SIX4: variants seen among roughly 807,000 people sequenced by gnomAD.
SIX4 encodes SIX homeobox 4, also known as homeobox protein SIX4.
In SIX4, 23 loss-of-function variants were observed where a neutral mutation model predicts 51.5. That is an observed-to-expected ratio of 0.45 (90% CI 0.32 to 0.63). SIX4 has a LOEUF of 0.63. Ranked by LOEUF, SIX4 falls within the 30% of genes least tolerant of loss-of-function variation. SIX4 has a pLI of 0.04. For missense variants in SIX4, 867 were observed against 984.0 expected (o/e 0.88, Z 1.59); for synonymous variants, 413 against 417.3 (o/e 0.99, Z 0.13).
rs1271024510 is a variant in SIX4, at chr14:60,723,244, G to A, written c.831C>T (p.Arg277=). Residue 277 remains arginine (R), a synonymous_variant, in exon 1 of 3, where the codon CGC becomes CGT. Transcript: ENST00000216513. ...VSNWFKNRRQ[R]DRNPSETQSK... ...ACTGGGTCTCGGAGGGGTTCCTGTC[G>A]CGCTGCCGGCGGTTCTTGAACCAGT... 10 of 1,612,942 alleles carry A rather than the reference G, an allele frequency of 6.2e-6. No individual in the cohort carries two copies. The highest frequency in any genetic ancestry group is 2.2e-5 in the East Asian group (1 of 44,784).
At position 60,717,975 on chromosome 14, in the gene SIX4, G is replaced by A. The variant is rs772041132; in HGVS notation, c.1549+1785C>T. On this transcript the variant is annotated intron_variant, in intron 2 of 2. Coordinates refer to ENST00000216513, the MANE Select transcript of SIX4 (RefSeq NM_017420.5). This position sits in a 1 kb window ranked among gnomAD's most constrained non-coding sequence, Gnocchi z 4.6. ...TGCAGTGAGCCGAGATCGCGCCACT[G>A]TACTCCAGCCTGGGTGACAAAATGA... The A allele has an allele frequency of 4.3e-6, 1 of 231,364 alleles. No homozygotes were observed. The highest frequency in any genetic ancestry group is 5.4e-5 in the South Asian group (1 of 18,472). 14.3% of individuals were successfully genotyped at this position (231,364 alleles called of 1,614,324 possible).
chr14:60,712,224 G>A lies in SIX4; in HGVS notation c.*1183C>T, dbSNP rs900951958. 3 of 152,576 alleles carry A rather than the reference G, an allele frequency of 2.0e-5. No homozygotes were observed. The highest frequency in any genetic ancestry group is 2.9e-5 in the Non-Finnish European group (2 of 68,028). The allele number at this position is 152,576 out of a possible 1,614,324, so 9.5% of individuals were successfully genotyped here. A position where few individuals can be genotyped will look rare whatever the true frequency, so the allele number is the denominator to read the frequency against. ...ATTTATAACTTATTTTCCTTGTAAT[G>A]AAAAGTATCAACAATAATTAGTTGT... On this transcript the variant is annotated 3_prime_UTR_variant, in exon 3 of 3. Coordinates refer to ENST00000216513, the MANE Select transcript of SIX4 (RefSeq NM_017420.5).
rs117383402 is a variant in SIX4 at position 60,724,191 on chromosome 14, C to T, written c.-117G>A. 1.0e-3 allele frequency: 1,654 copies of T among 1,577,832 alleles called. 13 individuals are homozygous for T. The East Asian group carries it at 0.025, about 24-fold the overall frequency. The stretch of plus-strand genomic sequence containing the variant: ...CCCTCCTCTCCCCCTCCGGAAAGCC[C>T]ACTCCCTCCCTCCTGGTTTCGGCTG... On this transcript the variant is annotated 5_prime_UTR_variant, in exon 1 of 3. The change creates a premature stop within an existing upstream ORF in the 5' untranslated region. Coordinates refer to ENST00000216513, the MANE Select transcript of SIX4 (RefSeq NM_017420.5).
At position 60,722,926 on chromosome 14, in the gene SIX4, G is replaced by T. The variant is rs1297752534; in HGVS notation, c.863+286C>A. 4.4e-5 allele frequency: 20 copies of T among 455,258 alleles called. No homozygotes were observed. In the East Asian group the frequency reaches 8.0e-4, roughly 18 times the overall value. The allele number at this position is 455,258 out of a possible 1,614,324, so 28.2% of individuals were successfully genotyped here. On this transcript the variant is annotated intron_variant, in intron 1 of 2. Coordinates refer to ENST00000216513, the MANE Select transcript of SIX4 (RefSeq NM_017420.5). This position sits in a 1 kb window ranked among gnomAD's most constrained non-coding sequence, Gnocchi z 5.9. ...CAGCGGGATGGGGGTGGGAAGCTGG[G>T]CAGCAGTGACCAGCCGAGGTGGGGG... is the stretch of plus-strand genomic sequence containing the variant.
rs1274365711 is a variant in SIX4 at position 60,710,990 on chromosome 14, A to G, written c.*2417T>C. 1 of 123,206 alleles carries G rather than the reference A, an allele frequency of 8.1e-6. No homozygotes were observed. Among genetic ancestry groups the G allele is most frequent in the Non-Finnish European group, 1.7e-5 (1 of 58,078 alleles). 7.6% of individuals were successfully genotyped at this position (123,206 alleles called of 1,614,324 possible). ...AAGAGAGGCTTATTGTATTTTCGGA[A>G]AACATATAAAACATTTCCAGTTATA... On this transcript the variant is annotated 3_prime_UTR_variant, in exon 3 of 3. Coordinates refer to ENST00000216513, the MANE Select transcript of SIX4 (RefSeq NM_017420.5).
chr14:60,714,108 C>G lies in SIX4; in HGVS notation c.1645G>C (p.Ala549Pro), dbSNP rs1266343975. Residue 549 changes from alanine to proline, a missense_variant, in exon 3 of 3, where the codon GCT becomes CCT. Transcript: ENST00000216513. ...QQGKVFLSSLAPSAVVYTVPN... is the reference protein window; with the variant it reads ...QQGKVFLSSLPPSAVVYTVPN... The stretch of plus-strand genomic sequence containing the variant: ...ACCGTGTATACCACTGCACTGGGAG[C>G]AAGAGAGCTCAAGAAAACCTTTCCT... 6.2e-7 allele frequency: 1 copy of G among 1,613,996 alleles called. No homozygotes were observed. The highest frequency in any genetic ancestry group is 2.2e-5 in the East Asian group (1 of 44,882).
Position 60,723,652 on chromosome 14 carries a change from C to T in SIX4, c.423G>A (p.Leu141=). Residue 141 remains leucine, a synonymous_variant, in exon 1 of 3, where the codon CTG becomes CTA. Transcript: ENST00000216513. ...TCAGCAGGCTCTCGTTGCCACGTAG[C>T]AGGTCGCTCTGGGGCAGGGACCACA... ...RFLWSLPQSD[L]LRGNESLLKA... is the part of the protein sequence containing the mutation. 1.3e-6 allele frequency: 2 copies of T among 1,594,132 alleles called. No individual in the cohort carries two copies. Among genetic ancestry groups the T allele is most frequent in the Non-Finnish European group, 1.7e-6 (2 of 1,171,386 alleles).
intron 2 of SIX4, among the ~76,000 whole-genome samples, chr14:60,716,401 C>T (rs974039474): frequency 7.9e-5 from 12 of 151,204 alleles, no homozygotes; most frequent in African/African-American, 2.9e-4. Flanking sequence ...TACAGGCACG[C>T]ACCACCATGC....
intron 2 of SIX4, among the ~76,000 whole-genome samples, chr14:60,715,616 A>G (rs1156230054): frequency 6.6e-6 from 1 of 152,234 alleles, no homozygotes. Flanking sequence ...AATGGTCTAT[A>G]GAGACCAGAA....
At position 60,711,872 on chromosome 14, in the gene SIX4, C is replaced by T. The variant is rs562296390; in HGVS notation, c.*1535G>A. ...TATCTCTGAAGAAATTATTTTCTCACTTTTTTTGCTTTTCAGAGACTAGAG... is the reference window on the plus strand; with the variant it reads ...TATCTCTGAAGAAATTATTTTCTCATTTTTTTTGCTTTTCAGAGACTAGAG... On this transcript the variant is annotated 3_prime_UTR_variant, in exon 3 of 3. Coordinates refer to ENST00000216513, the MANE Select transcript of SIX4 (RefSeq NM_017420.5). 6.6e-6 allele frequency: 1 copy of T among 152,294 alleles called. No homozygotes were observed. The highest frequency in any genetic ancestry group is 1.5e-5 in the Non-Finnish European group (1 of 67,946). 9.4% of individuals were successfully genotyped at this position (152,294 alleles called of 1,614,324 possible).
In SIX4 at chr14:60,710,355, A is replaced by C. The variant is rs1299568897; in HGVS notation, c.*3052T>G. 1 of 152,644 alleles carries C rather than the reference A, an allele frequency of 6.6e-6. No homozygotes were observed. The highest frequency in any genetic ancestry group is 1.5e-5 in the Non-Finnish European group (1 of 68,046). The allele number at this position is 152,644 out of a possible 1,614,324, so 9.5% of individuals were successfully genotyped here. A position where few individuals can be genotyped will look rare whatever the true frequency, so the allele number is the denominator to read the frequency against. ...TTTCATTACTATAAATATACATGAG[A>C]TATAAAGCAGTACAACACAGGTGCT... On this transcript the variant is annotated 3_prime_UTR_variant, in exon 3 of 3. Transcript: ENST00000216513.
At position 60,720,246 on chromosome 14, in the gene SIX4, C is replaced by G. The variant is rs144643214; in HGVS notation, c.1063G>C (p.Val355Leu). Reference sequence around the variant, plus strand: ...AAGACAGGTGAAGTACTTGCAGGTACCAAGCTTCCATTCAACAGAACTCCA... The same window carrying G: ...AAGACAGGTGAAGTACTTGCAGGTAGCAAGCTTCCATTCAACAGAACTCCA... Reference protein sequence around the residue: ...SSGVLLNGSLVPASTSPVFLN... With the variant: ...SSGVLLNGSLLPASTSPVFLN... Residue 355 changes from valine to leucine, a missense_variant, in exon 2 of 3, where the codon GTA (valine) becomes CTA (leucine). Val to Leu is a conservative substitution (Grantham distance 32). Coordinates refer to ENST00000216513, the MANE Select transcript of SIX4 (RefSeq NM_017420.5). The surrounding 1 kb of genome is among the most constrained non-coding windows in gnomAD (Gnocchi z 5.5). 4.3e-6 allele frequency: 7 copies of G among 1,614,048 alleles called. No individual in the cohort carries two copies. The African/African-American group carries it at 8.0e-5, about 18-fold the overall frequency.
At chr14:60,714,534 G>A (rs1425089384) in intron 2 of SIX4, among the ~76,000 whole-genome samples, 3 of 152,122 alleles carry the variant, frequency 2.0e-5, no homozygotes, top group Non-Finnish European at 4.4e-5. Flanking sequence ...TTCCTGAGTC[G>A]CAGGTGTGCC....
At position 60,719,159 on chromosome 14, in the gene SIX4, A is replaced by C. The variant is rs1407466774; in HGVS notation, c.1549+601T>G. Among the ~76,000 whole-genome samples, 1 of 152,210 alleles carries C rather than the reference A, an allele frequency of 6.6e-6. No homozygotes were observed. Among genetic ancestry groups the C allele is most frequent in the African/African-American group, 2.4e-5 (1 of 41,460 alleles). The stretch of plus-strand genomic sequence containing the variant: ...AACATATAAAATAAGGCTTACTATT[A>C]TCTTCACAAATAAACCCACACATTT... On this transcript the variant is annotated intron_variant, in intron 2 of 2. Transcript: ENST00000216513. This position sits in a 1 kb window ranked among gnomAD's most constrained non-coding sequence, Gnocchi z 4.9.
chr14:60,723,827 T>C lies in SIX4; in HGVS notation c.248A>G (p.Gln83Arg). 1.3e-6 allele frequency: 2 copies of C among 1,524,890 alleles called. No individual in the cohort carries two copies. The highest frequency in any genetic ancestry group is 8.7e-7 in the Non-Finnish European group (1 of 1,145,990). The allele number at this position is 1,524,890 out of a possible 1,614,324, so 94.5% of individuals were successfully genotyped here. The part of the protein sequence containing the change: ...AAAAAGAAAD[Q>R]VQLHSELLGR... ...CAGAAGTTCCGAGTGGAGTTGTACCTGATCCGCCGCCGCTCCGGCCGCCGC... is the reference window on the plus strand; with the variant it reads ...CAGAAGTTCCGAGTGGAGTTGTACCCGATCCGCCGCCGCTCCGGCCGCCGC... The change falls in exon 1 of 3, where the codon CAG becomes CGG. Residue 83 changes from glutamine (Q) to arginine (R), a missense_variant. Gln to Arg is a conservative substitution (Grantham distance 43, BLOSUM62 1). Transcript: ENST00000216513.
chr14:60,723,055 G>C (rs1896057487), intron 1 of SIX4, 157 bp downstream of exon 1: 3 of 1,412,762 alleles, frequency 2.1e-6, no homozygotes, highest in African/African-American at 1.5e-5. Flanking sequence ...CCCTACCTCT[G>C]CCGGCCGGGG....
intron 2 of SIX4, among the ~76,000 whole-genome samples, chr14:60,716,554 T>G (rs1055239974): frequency 2.0e-5 from 3 of 151,980 alleles, no homozygotes; most frequent in African/African-American, 7.3e-5. Flanking sequence ...CCTGGCCAAT[T>G]TTTTAAAAAT....
chr14:60,723,053 C>T (rs1187345592), intron 1 of SIX4, 159 bp downstream of exon 1: 1 of 1,413,224 alleles, frequency 7.1e-7, no homozygotes, highest in Non-Finnish European at 9.2e-7. Context: ...CCCCCTACCT[C>T]TGCCGGCCGG....
Position 60,713,298 on chromosome 14 carries a change from C to G in SIX4, c.*109G>C. The G allele has an allele frequency of 8.4e-7, 1 of 1,187,766 alleles. No individual in the cohort carries two copies. Among genetic ancestry groups the G allele is most frequent in the Non-Finnish European group, 1.2e-6 (1 of 857,364 alleles). The allele number at this position is 1,187,766 out of a possible 1,614,324, so 73.6% of individuals were successfully genotyped here. ...ATCTAAAGTCTCTTGTATGCATATA[C>G]TTGCAAAACTAGAGTGTTTTCCTTT... On this transcript the variant is annotated 3_prime_UTR_variant, in exon 3 of 3. Coordinates refer to ENST00000216513, the MANE Select transcript of SIX4 (RefSeq NM_017420.5).
Sources: allele counts gnomAD v4.1 joint callset (sites outside exome capture counted in the v4.1 genomes callset), GRCh38; gene constraint gnomAD v4.1.1; non-coding constraint Gnocchi (gnomAD v3.1); transcripts MANE v1.5; gene names NCBI Gene and HGNC (gene_info 2026-07-23, HGNC 2026-07-21).